Variants in TRPC5 observed in about 807,000 individuals in gnomAD.
TRPC5 encodes short transient receptor potential channel 5.
In TRPC5, 9 loss-of-function variants were observed where a neutral mutation model predicts 56.5. The ratio of observed to expected loss-of-function variants is 0.16; its 90% CI spans 0.10 to 0.28. TRPC5 has a LOEUF of 0.28. Ranked by LOEUF, TRPC5 falls within the 10% of genes least tolerant of loss-of-function variation. TRPC5 has a pLI of 1.00. For synonymous variants in TRPC5, 282 were observed against 278.5 expected, an observed-to-expected ratio of 1.01 and a Z score of -0.13; for missense variants, 469 against 748.9, an observed-to-expected ratio of 0.63 and a Z score of 4.36.
intron 6 of TRPC5, among the ~76,000 whole-genome samples, chrX:111,845,808 CA>C (rs1290340466): frequency 1.8e-5 from 2 of 111,936 alleles, no homozygotes; most frequent in Non-Finnish European, 3.8e-5. Context: ...TTGGCTTAAC[CA>C]AAATAGCACT....
At chrX:112,036,504 C>T (rs368279031) in intron 1 of TRPC5, among the ~76,000 whole-genome samples, 7 of 111,960 alleles carry the variant, frequency 6.3e-5, no homozygotes, top group African/African-American at 2.3e-4. Context: ...TGTGATTTGC[C>T]ACCTTCAAGA....
intron 1 of TRPC5, among the ~76,000 whole-genome samples, chrX:111,957,832 A>G (rs1257244130): frequency 8.9e-6 from 1 of 112,277 alleles, no homozygotes; most frequent in East Asian, 2.8e-4. Context: ...AGGGGGAGAC[A>G]AAAATGTAAA....
intron 1 of TRPC5, among the ~76,000 whole-genome samples, chrX:112,063,666 A>G (rs1452946451): frequency 1.8e-5 from 2 of 112,419 alleles, no homozygotes; most frequent in Non-Finnish European, 3.7e-5. Context: ...GTATGCTTGC[A>G]TGAATTCTTT....
chrX:112,076,330 A>AGT (rs1461703557), intron 1 of TRPC5, among the ~76,000 whole-genome samples: 3 of 111,445 alleles, frequency 2.7e-5, no homozygotes, highest in Non-Finnish European at 5.6e-5. Flanking sequence ...TATAGAATCA[A>AGT]GTGCCTGGTG....
chrX:111,958,335 A>G (rs1217443685), intron 1 of TRPC5, among the ~76,000 whole-genome samples: 2 of 111,762 alleles, frequency 1.8e-5, no homozygotes, highest in Non-Finnish European at 3.8e-5. Context: ...AGAACTTATA[A>G]TTATTTGAAT....
At chrX:111,798,657 A>T (rs749242433) in intron 7 of TRPC5, among the ~76,000 whole-genome samples, 13 of 107,777 alleles carry the variant, frequency 1.2e-4, no homozygotes, top group Non-Finnish European at 1.9e-4. Flanking sequence ...TTGTAAAAAT[A>T]AAAAAAAAAG....
chrX:111,779,027 T>C lies in TRPC5; in HGVS notation c.2190A>G (p.Arg730=). Residue 730 remains arginine, a synonymous_variant, in exon 10 of 11, where the codon AGA becomes AGG. Coordinates refer to ENST00000262839, the MANE Select transcript of TRPC5 (RefSeq NM_012471.3). ...TAAGTCCCTCATGTGTTTTGGAATT[T>C]CTTATCATAGCAGCCACATATCTTT... ...LVKRYVAAMI[R]NSKTHEGLTE... 8.3e-7 allele frequency: 1 copy of C among 1,205,552 alleles called. No homozygotes were observed. The highest frequency in any genetic ancestry group is 1.1e-6 in the Non-Finnish European group (1 of 892,615).
intron 7 of TRPC5, among the ~76,000 whole-genome samples, chrX:111,801,079 A>G (rs1276041340): frequency 8.9e-6 from 1 of 111,870 alleles, no homozygotes. Context: ...TCTGTCAACC[A>G]CTAATCATTC....
chrX:112,043,816 T>C (rs73266343), intron 1 of TRPC5, among the ~76,000 whole-genome samples: 13,329 of 110,370 alleles, frequency 0.12, 687 homozygotes, highest in African/African-American at 0.16. Context: ...GTCAGTAAGT[T>C]AAATAGAAAT....
chrX:112,043,159 C>T (rs1261632846), intron 1 of TRPC5, among the ~76,000 whole-genome samples: 1 of 112,067 alleles, frequency 8.9e-6, no homozygotes, highest in Non-Finnish European at 1.9e-5. Context: ...TTACATTTCT[C>T]CTGAGTTCTC....
intron 2 of TRPC5, among the ~76,000 whole-genome samples, chrX:111,915,271 T>C (rs1399042858): frequency 1.8e-5 from 2 of 111,945 alleles, no homozygotes; most frequent in East Asian, 5.6e-4. Flanking sequence ...AACTACTCGA[T>C]TATATTGTCT....
intron 6 of TRPC5, among the ~76,000 whole-genome samples, chrX:111,843,048 A>G (rs1446660522): frequency 8.9e-6 from 1 of 112,918 alleles, no homozygotes; most frequent in Non-Finnish European, 1.9e-5. Flanking sequence ...TACTACAGCT[A>G]TGCAAGATGT....
intron 1 of TRPC5, among the ~76,000 whole-genome samples, chrX:111,988,447 C>A (rs1928268950): frequency 9.1e-6 from 1 of 110,468 alleles, no homozygotes; most frequent in Admixed American, 9.7e-5. Context: ...TTCACCCTTC[C>A]TTTCTTCTTC....
chrX:111,972,098 A>G (rs1489907559), intron 1 of TRPC5, among the ~76,000 whole-genome samples: 10 of 111,330 alleles, frequency 9.0e-5, no homozygotes, highest in Non-Finnish European at 1.9e-4. Flanking sequence ...GCTGCCTTTC[A>G]GTGTTCTGCC....
At chrX:111,938,875 T>C (rs139250194) in intron 2 of TRPC5, among the ~76,000 whole-genome samples, 11,162 of 112,004 alleles carry the variant, frequency 0.1, 542 homozygotes, top group African/African-American at 0.19. Context: ...TTGACTTCTT[T>C]GTTTCCAATC....
intron 1 of TRPC5, among the ~76,000 whole-genome samples, chrX:111,966,324 G>C (rs1927574201): frequency 8.9e-6 from 1 of 111,759 alleles, no homozygotes; most frequent in Admixed American, 9.5e-5. Flanking sequence ...ATCTGAAATT[G>C]TGGCAATAAT....
chrX:111,864,887 C>A (rs1465997585), intron 3 of TRPC5, among the ~76,000 whole-genome samples: 1 of 112,009 alleles, frequency 8.9e-6, no homozygotes, highest in Non-Finnish European at 1.9e-5. Context: ...TTTAACTTTT[C>A]ATGGGAAGTT....
intron 3 of TRPC5, among the ~76,000 whole-genome samples, chrX:111,866,716 T>C (rs910532917): frequency 8.9e-6 from 1 of 112,150 alleles, no homozygotes; most frequent in Non-Finnish European, 1.9e-5. Flanking sequence ...ATAGCTTTGA[T>C]TTCACTGCAG....
intron 7 of TRPC5, among the ~76,000 whole-genome samples, chrX:111,801,662 A>G (rs540713351): frequency 8.9e-6 from 1 of 112,142 alleles, no homozygotes; most frequent in East Asian, 2.8e-4. Context: ...GGATGTTACA[A>G]TGTGCTCATT....
Sources: gnomAD v4.1 joint callset for allele counts (sites outside exome capture counted in the v4.1 genomes callset) on GRCh38, gnomAD v4.1.1 for gene constraint, MANE v1.5 for transcripts, NCBI Gene and HGNC (gene_info 2026-07-23, HGNC 2026-07-21) for gene names.